Variants in CNTNAP5 observed in about 807,000 individuals in gnomAD.
The protein encoded by CNTNAP5 is contactin-associated protein-like 5.
CNTNAP5 carries 72 observed loss-of-function variants against 150.2 expected under a neutral mutation model. The ratio of observed to expected loss-of-function variants is 0.48; its 90% CI spans 0.40 to 0.58. The LOEUF (loss-of-function observed/expected upper bound fraction) is 0.58. Among genes scored for constraint, CNTNAP5 ranks in the 20% least tolerant of loss-of-function variants. The probability of loss-of-function intolerance (pLI) is 0.00; values close to 1 mark genes in which losing one functional copy is unlikely to be tolerated. For missense variants in CNTNAP5, 1,636 were observed against 1,626.2 expected (o/e 1.01, Z -0.10); for synonymous variants, 672 against 619.8 (o/e 1.08, Z -1.25).
At chr2:124,899,471 G>T (rs1051844685) in intron 21 of CNTNAP5, among the ~76,000 whole-genome samples, 5 of 151,612 alleles carry the variant, frequency 3.3e-5, no homozygotes, top group Non-Finnish European at 7.4e-5. Flanking sequence ...TATTTAAAAT[G>T]TATTGAGTGA....
chr2:124,203,660 A>G (rs143636781), intron 1 of CNTNAP5, among the ~76,000 whole-genome samples: 557 of 152,338 alleles, frequency 3.7e-3, no homozygotes, highest in Non-Finnish European at 5.5e-3. Context: ...ACCCACAGGT[A>G]CAACACCAGA....
chr2:124,383,321 G>A (rs895417918), intron 3 of CNTNAP5, among the ~76,000 whole-genome samples: 8 of 152,254 alleles, frequency 5.3e-5, no homozygotes, highest in African/African-American at 1.4e-4. Context: ...CGGGAAAACC[G>A]AGGTCTTGAA....
At chr2:124,402,549 C>T (rs897436826) in intron 3 of CNTNAP5, among the ~76,000 whole-genome samples, 2 of 152,142 alleles carry the variant, frequency 1.3e-5, no homozygotes, top group Non-Finnish European at 2.9e-5. Flanking sequence ...GGCTGAAATC[C>T]TTGTGTTGTT....
chr2:124,744,086 G>A (rs1680556350), intron 13 of CNTNAP5, among the ~76,000 whole-genome samples: 1 of 152,018 alleles, frequency 6.6e-6, no homozygotes, highest in South Asian at 2.1e-4. Context: ...TATATGATAG[G>A]GTTTGGCTGT....
chr2:124,641,841 A>G (rs988191406), intron 12 of CNTNAP5, among the ~76,000 whole-genome samples: 1 of 152,180 alleles, frequency 6.6e-6, no homozygotes, highest in Admixed American at 6.5e-5. Flanking sequence ...CTCTGCAAAG[A>G]GACAGATATG....
chr2:124,457,678 T>G (rs7572777), intron 6 of CNTNAP5, among the ~76,000 whole-genome samples: 200 of 152,100 alleles, frequency 1.3e-3, no homozygotes, highest in Non-Finnish European at 1.6e-3. Context: ...ACCCATTAGC[T>G]GATCTTCCTT....
chr2:124,314,123 G>A (rs985148338), intron 3 of CNTNAP5, among the ~76,000 whole-genome samples: 3 of 152,164 alleles, frequency 2.0e-5, no homozygotes, highest in Non-Finnish European at 1.5e-5. Context: ...AGATTCACAA[G>A]GAATAATGCG....
At chr2:124,292,273 A>G (rs1176732485) in intron 3 of CNTNAP5, among the ~76,000 whole-genome samples, 2 of 152,094 alleles carry the variant, frequency 1.3e-5, no homozygotes, top group African/African-American at 2.4e-5. Flanking sequence ...GAGATTTCAA[A>G]TGCTCTTCAA....
chr2:124,329,527 C>T (rs1220626833), intron 3 of CNTNAP5, among the ~76,000 whole-genome samples: 1 of 152,092 alleles, frequency 6.6e-6, no homozygotes, highest in Non-Finnish European at 1.5e-5. Context: ...GCTCAGCATG[C>T]CAAAGCTCCA....
intron 13 of CNTNAP5, among the ~76,000 whole-genome samples, chr2:124,731,335 C>A (rs1471343716): frequency 6.6e-6 from 1 of 152,000 alleles, no homozygotes. Flanking sequence ...TGGCTCTTTT[C>A]TCACCTTTTT....
At chr2:124,837,793 G>T (rs535648463) in intron 19 of CNTNAP5, among the ~76,000 whole-genome samples, 1 of 152,146 alleles carries the variant, frequency 6.6e-6, no homozygotes, top group African/African-American at 2.4e-5. Context: ...TTGAGATGAG[G>T]ATTAGGCCTT....
intron 1 of CNTNAP5, among the ~76,000 whole-genome samples, chr2:124,155,077 T>A: frequency 1.2e-4 from 1 of 8,106 alleles, no homozygotes; most frequent in Non-Finnish European, 3.5e-4. Flanking sequence ...CCATTCCCGT[T>A]TTTTTTTTTT....
At chr2:124,232,890 G>C (rs1184072026) in intron 2 of CNTNAP5, among the ~76,000 whole-genome samples, 3 of 152,210 alleles carry the variant, frequency 2.0e-5, no homozygotes, top group African/African-American at 4.8e-5. Context: ...GCTCACACTG[G>C]TTGAAAAATA....
intron 1 of CNTNAP5, among the ~76,000 whole-genome samples, chr2:124,201,520 G>C (rs934636837): frequency 6.6e-6 from 1 of 152,208 alleles, no homozygotes; most frequent in Non-Finnish European, 1.5e-5. Context: ...AAGGTAAATA[G>C]AGTATTCAAG....
At chr2:124,738,361 A>T (rs1351466872) in intron 13 of CNTNAP5, among the ~76,000 whole-genome samples, 1 of 152,172 alleles carries the variant, frequency 6.6e-6, no homozygotes, top group African/African-American at 2.4e-5. Flanking sequence ...GTTCCTAAAG[A>T]TTTATAAGAG....
rs538376830 is a variant in CNTNAP5, at chr2:124,666,904, C to G, written c.2077+18946C>G. Among the ~76,000 whole-genome samples, 11 of 147,292 alleles carry G rather than the reference C, an allele frequency of 7.5e-5. No individual in the cohort carries two copies. In the South Asian group the frequency reaches 2.4e-3, roughly 32 times the overall value. ...GCTTGAAATTGCTGTTTGGATTCCT[C>G]AAGACTTTCAAAGATGTTCAGGATG... is the stretch of plus-strand genomic sequence containing the variant. On this transcript the variant is annotated intron_variant, in intron 13 of 23. Transcript: ENST00000682447.
At chr2:124,101,488 G>A (rs1001512949) in intron 1 of CNTNAP5, among the ~76,000 whole-genome samples, 2 of 152,186 alleles carry the variant, frequency 1.3e-5, no homozygotes, top group Non-Finnish European at 2.9e-5. Flanking sequence ...CAAGAGTAGG[G>A]AAGGGACGGT....
chr2:124,097,010 C>A (rs1682954365), intron 1 of CNTNAP5, among the ~76,000 whole-genome samples: 1 of 152,236 alleles, frequency 6.6e-6, no homozygotes, highest in South Asian at 2.1e-4. Context: ...GGCCCCAAAT[C>A]TTTTAACGTA....
chr2:124,247,453 G>A (rs1687057720), intron 3 of CNTNAP5, among the ~76,000 whole-genome samples: 1 of 152,142 alleles, frequency 6.6e-6, no homozygotes, highest in South Asian at 2.1e-4. Flanking sequence ...CACGAAGCTT[G>A]TCAGAGAGGG....
Sources: allele counts gnomAD v4.1 joint callset (sites outside exome capture counted in the v4.1 genomes callset), GRCh38; gene constraint gnomAD v4.1.1; transcripts MANE v1.5; gene names NCBI Gene and HGNC (gene_info 2026-07-23, HGNC 2026-07-21).